Variants in NKAIN2 observed in about 807,000 individuals in gnomAD.
The protein encoded by NKAIN2 is sodium/potassium transporting ATPase interacting 2.
Under a neutral mutation model 32.6 loss-of-function variants are expected in NKAIN2, and 14 were observed. The observed-to-expected ratio is 0.43, with a 90% confidence interval of 0.28 to 0.67. NKAIN2 has a LOEUF of 0.67. NKAIN2 is among the 30% of genes least tolerant of loss of function. The probability of loss-of-function intolerance (pLI) is 0.17; values close to 1 mark genes in which losing one functional copy is unlikely to be tolerated. For missense variants in NKAIN2, 198 were observed against 258.3 expected (o/e 0.77, Z 1.60); for synonymous variants, 80 against 87.2 (o/e 0.92, Z 0.46).
intron 3 of NKAIN2, among the ~76,000 whole-genome samples, chr6:124,554,757 A>C (rs1363058280): frequency 6.6e-6 from 1 of 152,198 alleles, no homozygotes; most frequent in Non-Finnish European, 1.5e-5. Context: ...CAGGACCAGC[A>C]CTTTTTCCTT....
intron 3 of NKAIN2, among the ~76,000 whole-genome samples, chr6:124,640,672 G>T (rs1001517288): frequency 6.6e-6 from 1 of 152,176 alleles, no homozygotes; most frequent in Non-Finnish European, 1.5e-5. Context: ...TAGTAAAGGC[G>T]TGAAAGAGAG....
At chr6:124,286,858 T>G (rs1795579985) in intron 2 of NKAIN2, among the ~76,000 whole-genome samples, 1 of 152,116 alleles carries the variant, frequency 6.6e-6, no homozygotes, top group Admixed American at 6.6e-5. Context: ...ATTTTTGTAT[T>G]TTTTCAGTAG....
intron 1 of NKAIN2, among the ~76,000 whole-genome samples, chr6:124,190,363 A>G (rs1214620499): frequency 6.6e-6 from 1 of 152,234 alleles, no homozygotes; most frequent in African/African-American, 2.4e-5. Flanking sequence ...ATGAAAAGTG[A>G]GAAATTCCAA....
At chr6:124,080,287 C>T (rs1330139749) in intron 1 of NKAIN2, among the ~76,000 whole-genome samples, 2 of 152,104 alleles carry the variant, frequency 1.3e-5, no homozygotes, top group Non-Finnish European at 1.5e-5. Flanking sequence ...AGATCTTAGA[C>T]AAAAGGCTGT....
At chr6:124,506,503 T>G (rs1778486472) in intron 3 of NKAIN2, among the ~76,000 whole-genome samples, 1 of 152,216 alleles carries the variant, frequency 6.6e-6, no homozygotes, top group South Asian at 2.1e-4. Context: ...TTTGCCAGAA[T>G]GGCCCCAATT....
intron 3 of NKAIN2, among the ~76,000 whole-genome samples, chr6:124,375,761 A>ACAC (rs1455752118): frequency 6.6e-6 from 1 of 152,092 alleles, no homozygotes; most frequent in East Asian, 1.9e-4. Context: ...AGGTTACAGA[A>ACAC]CTCAGAAAGA....
chr6:124,171,836 G>C (rs546062767), intron 1 of NKAIN2, among the ~76,000 whole-genome samples: 1 of 150,676 alleles, frequency 6.6e-6, no homozygotes, highest in East Asian at 2.0e-4. Flanking sequence ...ACAGGCGTGA[G>C]CCACCGCGGC....
At chr6:123,820,254 G>A (rs1252972967) in intron 1 of NKAIN2, among the ~76,000 whole-genome samples, 3 of 152,170 alleles carry the variant, frequency 2.0e-5, no homozygotes, top group Non-Finnish European at 2.9e-5. Context: ...ATATATGGCA[G>A]TTCACTAGTT....
chr6:124,661,903 G>C (rs369248818), intron 4 of NKAIN2, among the ~76,000 whole-genome samples: 1 of 135,006 alleles, frequency 7.4e-6, no homozygotes, highest in Non-Finnish European at 1.6e-5. Flanking sequence ...TCCTTTCAAT[G>C]TGTGATTGGA....
intron 3 of NKAIN2, 107 bp from the exon 4 acceptor site, chr6:124,658,079 C>A (rs1042884827): frequency 2.7e-5 from 23 of 841,908 alleles, no homozygotes; most frequent in Middle Eastern, 3.7e-4. Context: ...AAAAAAAAAA[C>A]AAACAAACCC....
At chr6:124,085,073 G>A in intron 1 of NKAIN2, among the ~76,000 whole-genome samples, 1 of 151,948 alleles carries the variant, frequency 6.6e-6, no homozygotes, top group East Asian at 1.9e-4. Flanking sequence ...GTATTTTGTA[G>A]GGAGAAAGTG....
At position 124,727,024 on chromosome 6, in the gene NKAIN2, A is replaced by G. The variant is rs548596524; in HGVS notation, c.475-64315A>G. Among the ~76,000 whole-genome samples the G allele has an allele frequency of 3.8e-3, 574 of 151,822 alleles. 7 individuals carry two copies. Among genetic ancestry groups the G allele is most frequent in the African/African-American group, 0.012 (509 of 41,338 alleles). On this transcript the variant is annotated intron_variant, in intron 4 of 6. Transcript: ENST00000368417. Reference sequence around the variant, plus strand: ...TTTAGAGAAAAAAGAACAAAAAGAAATGAGCAAAGCCTCCAAGAAATATGG... The same window carrying G: ...TTTAGAGAAAAAAGAACAAAAAGAAGTGAGCAAAGCCTCCAAGAAATATGG...
At chr6:124,138,900 A>G (rs952043133) in intron 1 of NKAIN2, among the ~76,000 whole-genome samples, 21 of 150,980 alleles carry the variant, frequency 1.4e-4, no homozygotes, top group African/African-American at 5.1e-4. Flanking sequence ...TAAGAATGAT[A>G]TAATGGACTT....
At chr6:124,366,354 C>A (rs185992241) in intron 3 of NKAIN2, among the ~76,000 whole-genome samples, 1 of 151,846 alleles carries the variant, frequency 6.6e-6, no homozygotes, top group Non-Finnish European at 1.5e-5. Flanking sequence ...GTGAAATAGA[C>A]AAATTCTTTG....
chr6:124,741,726 A>C (rs1777219059), intron 4 of NKAIN2, among the ~76,000 whole-genome samples: 1 of 151,884 alleles, frequency 6.6e-6, no homozygotes, highest in South Asian at 2.1e-4. Context: ...AAACTGCTTT[A>C]TAATTGACTT....
At chr6:124,722,603 A>ATCCTGCCACTGATCCAAC (rs1294715022) in intron 4 of NKAIN2, among the ~76,000 whole-genome samples, 2 of 152,174 alleles carry the variant, frequency 1.3e-5, no homozygotes, top group East Asian at 3.9e-4. Flanking sequence ...TGAGAACCTA[A>ATCCTGCCACTGATCCAAC]TCCTGCCACT....
chr6:124,346,691 A>G (rs889503473), intron 2 of NKAIN2, among the ~76,000 whole-genome samples: 9 of 151,432 alleles, frequency 5.9e-5, no homozygotes, highest in Admixed American at 2.6e-4. Context: ...TGCTTGGTAG[A>G]TCTTCCTCCA....
intron 1 of NKAIN2, among the ~76,000 whole-genome samples, chr6:124,189,514 A>G (rs548714641): frequency 1.3e-5 from 2 of 152,062 alleles, no homozygotes; most frequent in Non-Finnish European, 2.9e-5. Context: ...TCCTGCTAAC[A>G]TGGTGAAACT....
At chr6:124,497,534 T>C (rs921238755) in intron 3 of NKAIN2, among the ~76,000 whole-genome samples, 1 of 151,812 alleles carries the variant, frequency 6.6e-6, no homozygotes, top group African/African-American at 2.4e-5. Flanking sequence ...TGTCTGGCAC[T>C]TTTTTTTCCC....
Sources: allele counts gnomAD v4.1 joint callset (sites outside exome capture counted in the v4.1 genomes callset), GRCh38; gene constraint gnomAD v4.1.1; transcripts MANE v1.5; gene names NCBI Gene and HGNC (gene_info 2026-07-23, HGNC 2026-07-21).